Variants in NCOA2 observed in about 807,000 individuals in gnomAD.
The protein encoded by NCOA2 is class E basic helix-loop-helix protein 75.
NCOA2 carries 21 observed loss-of-function variants against 145.1 expected under a neutral mutation model. That is an observed-to-expected ratio of 0.14 (90% CI 0.10 to 0.21). NCOA2 has a LOEUF of 0.21. NCOA2 is among the 10% of genes least tolerant of loss of function. NCOA2 has a pLI of 1.00. For missense variants in NCOA2, 1,472 were observed against 1,837.6 expected (o/e 0.80, Z 3.64); for synonymous variants, 619 against 637.5 (o/e 0.97, Z 0.44).
At position 70,216,738 on chromosome 8, in the gene NCOA2, C is replaced by T; in HGVS notation, c.8G>A (p.Gly3Glu). MS[G>E]MGENTSDPSR... ...GGGGTCAGAGGTATTTTCTCCCATC[C>T]CACTCATCTTGAACACATATCAGCA... Residue 3 changes from glycine (G) to glutamate (E), a missense_variant, in exon 3 of 23, where the codon GGG becomes GAG. Around this residue, in one of 4 missense-constraint regions of NCOA2, gnomAD observed 284 missense variants for 467.8 expected, o/e 0.61. Coordinates refer to ENST00000452400, the MANE Select transcript of NCOA2 (RefSeq NM_006540.4). 6.2e-7 allele frequency: 1 copy of T among 1,612,364 alleles called. No homozygotes were observed. Among genetic ancestry groups the T allele is most frequent in the South Asian group, 1.1e-5 (1 of 91,036 alleles).
the NCOA2 span, among the ~76,000 whole-genome samples, chr8:70,417,639 G>A: frequency 2.0e-5 from 3 of 152,092 alleles, no homozygotes; most frequent in South Asian, 6.2e-4. Context: ...CAACAAGCAT[G>A]TTACTCAGCT....
chr8:70,154,548 G>C (rs1443281040), intron 11 of NCOA2, among the ~76,000 whole-genome samples: 1 of 152,130 alleles, frequency 6.6e-6, no homozygotes, highest in Non-Finnish European at 1.5e-5. Context: ...GAGACTACAG[G>C]TGCATGCCAC....
chr8:70,321,528 A>C (rs1343506082), intron 1 of NCOA2, among the ~76,000 whole-genome samples: 1 of 152,078 alleles, frequency 6.6e-6, no homozygotes, highest in Non-Finnish European at 1.5e-5. Flanking sequence ...AATTTACAAA[A>C]TTAAAATTTT....
chr8:70,126,342 G>A (rs911331272), intron 19 of NCOA2, among the ~76,000 whole-genome samples: 5 of 152,148 alleles, frequency 3.3e-5, no homozygotes, highest in South Asian at 4.1e-4. Context: ...ATTCATTAAT[G>A]ATCTGGTATA....
intron 2 of NCOA2, among the ~76,000 whole-genome samples, chr8:70,251,178 G>A (rs1052785062): frequency 6.6e-6 from 1 of 152,094 alleles, no homozygotes; most frequent in African/African-American, 2.4e-5. Context: ...GTAGGAAAAT[G>A]AGCCTTAGAA....
chr8:70,170,287 T>C lies in NCOA2; in HGVS notation c.456A>G (p.Glu152=). The C allele has an allele frequency of 1.9e-6, 3 of 1,611,804 alleles. No homozygotes were observed. The highest frequency in any genetic ancestry group is 2.5e-6 in the Non-Finnish European group (3 of 1,178,978). Residue 152 remains glutamate, a synonymous_variant, in exon 6 of 23, where the codon GAA becomes GAG. Transcript: ENST00000452400. ...NVTQYLRYNQ[E]ELMNKSVYSI... ...TATATACACTTTTGTTCATCAGCTC[T>C]TCTTGGTTATACCTTAGATACTGTG...
intron 1 of NCOA2, among the ~76,000 whole-genome samples, chr8:70,318,661 G>A (rs778028116): frequency 2.6e-5 from 4 of 152,074 alleles, no homozygotes; most frequent in African/African-American, 9.7e-5. Context: ...CCAGCTACTC[G>A]GGAGGCTGTG....
intron 12 of NCOA2, among the ~76,000 whole-genome samples, chr8:70,147,254 T>A (rs1420091175): frequency 6.6e-6 from 1 of 152,072 alleles, no homozygotes; most frequent in East Asian, 1.9e-4. Flanking sequence ...TGCCTCGGCC[T>A]CCCGAGTAGC....
At chr8:70,131,152 AG>A (rs1015419738) in intron 16 of NCOA2, among the ~76,000 whole-genome samples, 5 of 152,166 alleles carry the variant, frequency 3.3e-5, no homozygotes, top group African/African-American at 7.2e-5. Context: ...CTAGGACTAT[AG>A]GTGTGTGCCA....
intron 1 of NCOA2, among the ~76,000 whole-genome samples, chr8:70,327,995 T>C (rs1806748352): frequency 6.6e-6 from 1 of 152,200 alleles, no homozygotes; most frequent in African/African-American, 2.4e-5. Context: ...GCAGTACCAG[T>C]GTGGCCACAC....
intron 2 of NCOA2, among the ~76,000 whole-genome samples, chr8:70,239,777 A>G (rs548549812): frequency 3.3e-5 from 5 of 152,310 alleles, no homozygotes; most frequent in African/African-American, 1.2e-4. Flanking sequence ...AGAAAACAAC[A>G]GCTAAAAAGA....
chr8:70,305,264 G>A (rs1175659776), intron 1 of NCOA2, among the ~76,000 whole-genome samples: 4 of 151,942 alleles, frequency 2.6e-5, no homozygotes, highest in Non-Finnish European at 4.4e-5. Context: ...CTCAAAGACA[G>A]CCTCAGAGGA....
intron 1 of NCOA2, among the ~76,000 whole-genome samples, chr8:70,312,441 T>C (rs193236781): frequency 3.9e-5 from 6 of 152,328 alleles, no homozygotes; most frequent in East Asian, 1.9e-4. Flanking sequence ...TTTGGAATAT[T>C]TGTAGATTAA....
chr8:70,168,571 T>C (rs1250695160), intron 6 of NCOA2, among the ~76,000 whole-genome samples: 1 of 152,236 alleles, frequency 6.6e-6, no homozygotes, highest in East Asian at 1.9e-4. Flanking sequence ...TCCACCAGCC[T>C]TGGCCTCCCA....
chr8:70,207,862 C>CAAA (rs754670876), intron 4 of NCOA2, among the ~76,000 whole-genome samples: 675 of 34,060 alleles, frequency 0.02, 4 homozygotes, highest in Middle Eastern at 0.062. Context: ...GACTCCACCT[C>CAAA]AAAAAAAAAA....
chr8:70,448,721 G>A, the NCOA2 span, among the ~76,000 whole-genome samples: 1 of 151,712 alleles, frequency 6.6e-6, no homozygotes, highest in Non-Finnish European at 1.5e-5. Context: ...ACATGTTTTT[G>A]CTTAGTGCAC....
chr8:70,249,286 C>T (rs989179374), intron 2 of NCOA2, among the ~76,000 whole-genome samples: 17 of 152,236 alleles, frequency 1.1e-4, no homozygotes, highest in African/African-American at 3.4e-4. Context: ...ATATGATACA[C>T]GGTCAAAATT....
intron 1 of NCOA2, among the ~76,000 whole-genome samples, chr8:70,359,211 C>G (rs899773139): frequency 1.3e-5 from 2 of 152,164 alleles, no homozygotes. Flanking sequence ...CCATATAACC[C>G]AGCAATTCCA....
At chr8:70,415,089 G>A in the NCOA2 span, among the ~76,000 whole-genome samples, 3 of 152,010 alleles carry the variant, frequency 2.0e-5, no homozygotes, top group African/African-American at 7.2e-5. Flanking sequence ...GATTGCTTGA[G>A]CCCAGGAGTT....
Sources: allele counts gnomAD v4.1 joint callset (sites outside exome capture counted in the v4.1 genomes callset), GRCh38; gene constraint gnomAD v4.1.1; regional missense constraint gnomAD v4.1.1; transcripts MANE v1.5; gene names NCBI Gene and HGNC (gene_info 2026-07-23, HGNC 2026-07-21).